LRRIQ3: variants seen among roughly 807,000 people sequenced by gnomAD.
LRRIQ3 encodes leucine-rich repeat and IQ domain-containing protein 3.
A neutral mutation model predicts 59.3 loss-of-function variants in LRRIQ3; 75 were observed. The observed-to-expected ratio is 1.26, with a 90% CI of 1.05 to 1.53. LRRIQ3 has a LOEUF of 1.53. Among genes scored for constraint, LRRIQ3 ranks in the 40% most tolerant of loss-of-function variants. The pLI, the probability that LRRIQ3 is intolerant of heterozygous loss-of-function variation, is 0.00. For missense variants in LRRIQ3, 831 were observed against 710.0 expected (o/e 1.17, Z -1.94); for synonymous variants, 250 against 231.3 (o/e 1.08, Z -0.73).
At chr1:74,150,484 A>C (rs1257251956) in intron 4 of LRRIQ3, among the ~76,000 whole-genome samples, 2 of 152,134 alleles carry the variant, frequency 1.3e-5, no homozygotes, top group African/African-American at 4.8e-5. Context: ...TCCCCATTGG[A>C]TAAGATAACG....
chr1:74,130,900 A>G (rs1647006261), intron 4 of LRRIQ3, among the ~76,000 whole-genome samples: 1 of 152,178 alleles, frequency 6.6e-6, no homozygotes, highest in Non-Finnish European at 1.5e-5. Context: ...ACTGAAGGAG[A>G]TAAAGACACA....
At chr1:74,065,826 T>C (rs1462203752) in intron 6 of LRRIQ3, among the ~76,000 whole-genome samples, 2 of 152,090 alleles carry the variant, frequency 1.3e-5, no homozygotes, top group Admixed American at 1.3e-4. Flanking sequence ...AGATAGCCCC[T>C]TAAAAAGCTA....
At chr1:74,136,513 T>C (rs936251403) in intron 4 of LRRIQ3, among the ~76,000 whole-genome samples, 2 of 151,920 alleles carry the variant, frequency 1.3e-5, no homozygotes, top group African/African-American at 2.4e-5. Flanking sequence ...GAATAAAGTA[T>C]TGTTCAAGAA....
rs763316603 is a variant in LRRIQ3 at position 74,155,844 on chromosome 1, A to C, written c.596T>G (p.Ile199Ser). The change falls in exon 4 of 8, where the codon ATT becomes AGT. Residue 199 changes from isoleucine to serine, a missense_variant. Transcript: ENST00000354431. The stretch of plus-strand genomic sequence containing the variant: ...TGAAGTAATATGTTTAATATTATTA[A>C]TTTCCTCTTCATAGGTTGTTCCCTG... ...LRKGTTYEEE[I>S]NNIKHITSKI... 2.0e-5 allele frequency: 31 copies of C among 1,521,890 alleles called. No individual in the cohort carries two copies. The highest frequency in any genetic ancestry group is 2.8e-5 in the Non-Finnish European group (31 of 1,123,880). The allele number at this position is 1,521,890 out of a possible 1,614,324, so 94.3% of individuals were successfully genotyped here. A position where few individuals can be genotyped will look rare whatever the true frequency, so the allele number is the denominator to read the frequency against.
intron 4 of LRRIQ3, among the ~76,000 whole-genome samples, chr1:74,143,029 C>G (rs1396722843): frequency 1.3e-5 from 2 of 152,012 alleles, no homozygotes; most frequent in Non-Finnish European, 2.9e-5. Flanking sequence ...AAATGGAAAA[C>G]TGCTTTCTAA....
chr1:74,060,343 T>C (rs528624453), intron 6 of LRRIQ3, among the ~76,000 whole-genome samples: 6 of 151,086 alleles, frequency 4.0e-5, no homozygotes, highest in African/African-American at 1.5e-4. Context: ...CACCTCCTCC[T>C]CCTTTTCTTC....
intron 6 of LRRIQ3, among the ~76,000 whole-genome samples, chr1:74,061,440 T>C (rs1309439190): frequency 6.6e-6 from 1 of 152,126 alleles, no homozygotes; most frequent in Non-Finnish European, 1.5e-5. Context: ...AATTAGAATA[T>C]TTTAAAATTC....
At chr1:74,174,982 C>T (rs112134375) in intron 3 of LRRIQ3, among the ~76,000 whole-genome samples, 15 of 152,232 alleles carry the variant, frequency 9.9e-5, no homozygotes, top group African/African-American at 2.4e-4. Flanking sequence ...TAAATACTTA[C>T]GTTGGTGCTT....
intron 6 of LRRIQ3, among the ~76,000 whole-genome samples, chr1:74,053,194 A>AG (rs1654422316): frequency 6.6e-6 from 1 of 151,412 alleles, no homozygotes; most frequent in Admixed American, 6.6e-5. Flanking sequence ...AAAAAAAAAA[A>AG]CAAATTAATC....
At chr1:74,143,148 A>G (rs1182966799) in intron 4 of LRRIQ3, among the ~76,000 whole-genome samples, 1 of 152,038 alleles carries the variant, frequency 6.6e-6, no homozygotes, top group East Asian at 1.9e-4. Context: ...CAAATAAAAT[A>G]AAGAAACAAT....
chr1:74,119,799 T>C (rs970291115), intron 4 of LRRIQ3, among the ~76,000 whole-genome samples: 2 of 152,138 alleles, frequency 1.3e-5, no homozygotes, highest in African/African-American at 4.8e-5. Flanking sequence ...TCTATCCCTG[T>C]GCCAATAAAA....
chr1:74,044,616 A>G (rs932514236), intron 6 of LRRIQ3, among the ~76,000 whole-genome samples: 1 of 152,174 alleles, frequency 6.6e-6, no homozygotes, highest in Non-Finnish European at 1.5e-5. Context: ...AACTAAGATC[A>G]AAGCAGAACT....
chr1:74,179,189 C>T (rs999165100), intron 3 of LRRIQ3, among the ~76,000 whole-genome samples: 1 of 151,956 alleles, frequency 6.6e-6, no homozygotes, highest in Non-Finnish European at 1.5e-5. Flanking sequence ...ATATATCCTT[C>T]TATGATATGA....
At chr1:74,057,779 G>A (rs1487111986) in intron 6 of LRRIQ3, among the ~76,000 whole-genome samples, 1 of 152,006 alleles carries the variant, frequency 6.6e-6, no homozygotes, top group Non-Finnish European at 1.5e-5. Flanking sequence ...GCACAGCAAA[G>A]GAACCAATCA....
chr1:74,180,587 G>A, intron 3 of LRRIQ3: 1 of 775,674 alleles, frequency 1.3e-6, no homozygotes, highest in Non-Finnish European at 2.0e-6. Flanking sequence ...CAAAATAGTA[G>A]AGGAGTATTT....
Position 74,109,488 on chromosome 1 carries a change from A to C in LRRIQ3, c.773T>G (p.Ile258Ser), listed in dbSNP as rs1208069601. The change falls in exon 5 of 8, where the codon ATT (isoleucine) becomes AGT (serine). Residue 258 changes from isoleucine to serine, a missense_variant. Coordinates refer to ENST00000354431, the MANE Select transcript of LRRIQ3 (RefSeq NM_001105659.2). ...ATCTTCATACCCTTTGGTTATGTAAATCCATTTTGCTTCATATCCTCTAAT... is the reference window on the plus strand; with the variant it reads ...ATCTTCATACCCTTTGGTTATGTAACTCCATTTTGCTTCATATCCTCTAAT... The part of the protein sequence containing the change: ...KIIRGYEAKW[I>S]YITKGYEDKL... 2.5e-6 allele frequency: 4 copies of C among 1,573,408 alleles called. No individual in the cohort carries two copies. Among genetic ancestry groups the C allele is most frequent in the Non-Finnish European group, 3.4e-6 (4 of 1,163,604 alleles).
chr1:74,169,854 C>T (rs140950132), intron 3 of LRRIQ3, among the ~76,000 whole-genome samples: 30 of 152,104 alleles, frequency 2.0e-4, no homozygotes, highest in Non-Finnish European at 3.4e-4. Flanking sequence ...TTAATAATAG[C>T]CATCCTAGGA....
intron 4 of LRRIQ3, among the ~76,000 whole-genome samples, chr1:74,117,397 G>T (rs1398555215): frequency 6.6e-6 from 1 of 152,076 alleles, no homozygotes; most frequent in Non-Finnish European, 1.5e-5. Context: ...AAAAGATAAG[G>T]CCTTATTATT....
chr1:74,095,968 A>AT (rs1646444140), intron 5 of LRRIQ3, among the ~76,000 whole-genome samples: 1 of 152,158 alleles, frequency 6.6e-6, no homozygotes, highest in Admixed American at 6.6e-5. Context: ...TTCTTTCAAT[A>AT]TTTACCATAC....
Sources: allele counts gnomAD v4.1 joint callset (sites outside exome capture counted in the v4.1 genomes callset), GRCh38; gene constraint gnomAD v4.1.1; transcripts MANE v1.5; gene names NCBI Gene and HGNC (gene_info 2026-07-23, HGNC 2026-07-21).